EIPR1: variants seen among roughly 807,000 people sequenced by gnomAD.
EIPR1 encodes EARP complex and GARP complex interacting protein 1.
Under a neutral mutation model 48.1 loss-of-function variants are expected in EIPR1, and 25 were observed. The ratio of observed to expected loss-of-function variants is 0.52; its 90% CI spans 0.38 to 0.73. EIPR1 has a LOEUF of 0.73. EIPR1 is among the 30% of genes least tolerant of loss of function. The probability of loss-of-function intolerance (pLI) is 0.00; values close to 1 mark genes in which losing one functional copy is unlikely to be tolerated. For missense variants in EIPR1, 415 were observed against 506.2 expected (o/e 0.82, Z 1.73); for synonymous variants, 204 against 201.9 (o/e 1.01, Z -0.09).
intron 3 of EIPR1, among the ~76,000 whole-genome samples, chr2:3,300,455 T>A (rs1291869061): frequency 6.6e-6 from 1 of 152,132 alleles, no homozygotes; most frequent in Admixed American, 6.5e-5. Flanking sequence ...TTACAGTGCC[T>A]TCATCATTGC....
intron 3 of EIPR1, among the ~76,000 whole-genome samples, chr2:3,328,297 A>G (rs1669761635): frequency 6.6e-6 from 1 of 152,148 alleles, no homozygotes; most frequent in Non-Finnish European, 1.5e-5. Context: ...TGCTCATCAC[A>G]TGGGGTCCAC....
At chr2:3,354,998 A>C (rs1422793934) in intron 1 of EIPR1, among the ~76,000 whole-genome samples, 1 of 152,278 alleles carries the variant, frequency 6.6e-6, no homozygotes, top group East Asian at 1.9e-4. Context: ...AGCTTCCAGC[A>C]ATAGCAGAGT....
chr2:3,323,313 G>C (rs577872722), intron 3 of EIPR1, among the ~76,000 whole-genome samples: 1 of 152,182 alleles, frequency 6.6e-6, no homozygotes, highest in Non-Finnish European at 1.5e-5. Flanking sequence ...GACACCAAAG[G>C]TGATGTGGGG....
intron 4 of EIPR1, among the ~76,000 whole-genome samples, chr2:3,220,571 G>C (rs76456570): frequency 0.024 from 3,643 of 151,236 alleles, 62 homozygotes; most frequent in Non-Finnish European, 0.036. Flanking sequence ...ACAGTGAGTT[G>C]AGGACACATG....
At chr2:3,239,859 C>T (rs1666537978) in intron 4 of EIPR1, among the ~76,000 whole-genome samples, 1 of 152,264 alleles carries the variant, frequency 6.6e-6, no homozygotes, top group African/African-American at 2.4e-5. Flanking sequence ...GGTCCTATGA[C>T]ATGTATTCAC....
intron 5 of EIPR1, among the ~76,000 whole-genome samples, chr2:3,199,501 T>C (rs1450693636): frequency 1.3e-5 from 2 of 152,232 alleles, no homozygotes; most frequent in Non-Finnish European, 2.9e-5. Flanking sequence ...GTCCCTCTGT[T>C]CGCAGTCCCT....
At chr2:3,319,293 T>A (rs554061848) in intron 3 of EIPR1, 1 of 260,140 alleles carries the variant, frequency 3.8e-6, no homozygotes, top group South Asian at 4.2e-5. Flanking sequence ...TGCTCCTAAT[T>A]AGCGCTGCTG....
At chr2:3,252,574 G>A (rs1249102191) in intron 4 of EIPR1, among the ~76,000 whole-genome samples, 2 of 152,186 alleles carry the variant, frequency 1.3e-5, no homozygotes, top group African/African-American at 2.4e-5. Context: ...CTGGGTGACA[G>A]AGGGCGATTC....
At chr2:3,275,923 C>T (rs1322318180) in intron 3 of EIPR1, among the ~76,000 whole-genome samples, 4 of 152,124 alleles carry the variant, frequency 2.6e-5, no homozygotes, top group Non-Finnish European at 5.9e-5. Context: ...GCCTCAGGTC[C>T]CACAACTGCT....
intron 2 of EIPR1, among the ~76,000 whole-genome samples, chr2:3,340,386 C>T (rs572463239): frequency 1.6e-4 from 25 of 152,294 alleles, no homozygotes; most frequent in Non-Finnish European, 2.9e-4. Flanking sequence ...CATGCGCGCC[C>T]GCCCTCTCCA....
chr2:3,237,263 CACACACA>C (rs1558242448), intron 4 of EIPR1, among the ~76,000 whole-genome samples: 15 of 151,108 alleles, frequency 9.9e-5, no homozygotes, highest in African/African-American at 3.2e-4. Flanking sequence ...CACACACACA[CACACACA>C]CCATACATAT....
intron 3 of EIPR1, among the ~76,000 whole-genome samples, chr2:3,322,094 G>A (rs1232009841): frequency 6.6e-6 from 1 of 152,222 alleles, no homozygotes; most frequent in Non-Finnish European, 1.5e-5. Context: ...TGTCGGATCA[G>A]GAGCCAGAGT....
At chr2:3,207,708 A>C (rs1235494090) in intron 5 of EIPR1, 1 of 152,244 alleles carries the variant, frequency 6.6e-6, no homozygotes, top group Non-Finnish European at 1.5e-5. Context: ...ATTACCAGAA[A>C]GAAGTCTTTT....
chr2:3,226,341 C>A (rs953266047), intron 4 of EIPR1, among the ~76,000 whole-genome samples: 2 of 152,120 alleles, frequency 1.3e-5, no homozygotes, highest in Admixed American at 6.5e-5. Flanking sequence ...TGTCTCATTG[C>A]GGTTTTGATT....
intron 3 of EIPR1, among the ~76,000 whole-genome samples, chr2:3,258,655 G>A (rs947172608): frequency 5.3e-5 from 8 of 152,112 alleles, no homozygotes; most frequent in African/African-American, 1.9e-4. Flanking sequence ...ATATAGCAAC[G>A]AACTCAATGA....
chr2:3,267,819 GA>G (rs961589608), intron 3 of EIPR1, among the ~76,000 whole-genome samples: 5 of 152,234 alleles, frequency 3.3e-5, no homozygotes. Flanking sequence ...GACAGAGACC[GA>G]ATGGCCTACA....
At chr2:3,279,099 G>A (rs1281509096) in intron 3 of EIPR1, among the ~76,000 whole-genome samples, 1 of 152,146 alleles carries the variant, frequency 6.6e-6, no homozygotes, top group African/African-American at 2.4e-5. Context: ...GCCAGCATTT[G>A]CTAAAGCAAA....
At chr2:3,338,346 T>C (rs1199771634) in intron 2 of EIPR1, among the ~76,000 whole-genome samples, 197 bp from the exon 3 acceptor site, 5 of 152,190 alleles carry the variant, frequency 3.3e-5, no homozygotes, top group African/African-American at 9.7e-5. Flanking sequence ...AGTTAGAAAA[T>C]CCCTGTGGAG....
chr2:3,372,881 T>G (rs371587335), intron 1 of EIPR1, among the ~76,000 whole-genome samples: 2,414 of 151,946 alleles, frequency 0.016, 65 homozygotes, highest in African/African-American at 0.056. Flanking sequence ...CTCATTTTAT[T>G]AGGCCAGCAT....
Sources: allele counts gnomAD v4.1 joint callset (sites outside exome capture counted in the v4.1 genomes callset), GRCh38; gene constraint gnomAD v4.1.1; transcripts MANE v1.5; gene names NCBI Gene and HGNC (gene_info 2026-07-23, HGNC 2026-07-21).